The following TMEM131 variants were observed in gnomAD, a reference collection of about 807,000 sequenced individuals.
TMEM131 encodes 2610524E03Rik.
TMEM131 carries 66 observed loss-of-function variants against 211.6 expected under a neutral mutation model. The ratio of observed to expected loss-of-function variants is 0.31; its 90% confidence interval spans 0.26 to 0.38. The LOEUF (loss-of-function observed/expected upper bound fraction) is 0.38, where lower values mean the gene tolerates loss of function less well. Ranked by LOEUF, TMEM131 falls within the 10% of genes least tolerant of loss-of-function variation. The pLI, the probability that TMEM131 is intolerant of heterozygous loss-of-function variation, is 1.00. For missense variants in TMEM131, 2,036 were observed against 2,299.3 expected (o/e 0.89, Z 2.34); for synonymous variants, 844 against 841.3 (o/e 1.00, Z -0.06).
At chr2:97,822,697 T>C (rs957836884) in intron 11 of TMEM131, among the ~76,000 whole-genome samples, 6 of 152,078 alleles carry the variant, frequency 3.9e-5, no homozygotes, top group Non-Finnish European at 8.8e-5. Context: ...GGAAAACTAG[T>C]GTTTCTGCTG....
Position 97,792,745 on chromosome 2 carries a change from G to A in TMEM131, c.3785C>T (p.Pro1262Leu), listed in dbSNP as rs1327538773. 1 of 1,614,034 alleles carries A rather than the reference G, an allele frequency of 6.2e-7. No individual in the cohort carries two copies. The highest frequency in any genetic ancestry group is 1.7e-5 in the Admixed American group (1 of 60,022). Residue 1262 changes from proline (P) to leucine (L), a missense_variant, in exon 31 of 41, where the codon CCC becomes CTC. Pro to Leu is a moderately conservative substitution (Grantham distance 98). Coordinates refer to ENST00000186436, the MANE Select transcript of TMEM131 (RefSeq NM_015348.2). ...CACTGTGTTCGAATCTAAGACAAGG[G>A]GGCTTGTTTTGTTAGCAGACTGTGA... Reference protein sequence around the residue: ...ASSQSANKTSPLVLDSNTVTQ... With the variant: ...ASSQSANKTSLLVLDSNTVTQ...
chr2:97,912,853 T>C (rs1051967569), intron 2 of TMEM131, among the ~76,000 whole-genome samples: 1 of 152,144 alleles, frequency 6.6e-6, no homozygotes, highest in Non-Finnish European at 1.5e-5. Context: ...CAAAAGGGGA[T>C]ATGCGGGAGG....
In TMEM131 at chr2:97,774,463, T is replaced by C. The variant is rs114652625; in HGVS notation, c.4320+1380A>G. The stretch of plus-strand genomic sequence containing the variant: ...GAGAAATAAAAGCACACGGCCTCTA[T>C]GCAGATTGCTGAGCAGGAGGAATAA... On this transcript the variant is annotated intron_variant, in intron 32 of 40. Coordinates refer to ENST00000186436, the MANE Select transcript of TMEM131 (RefSeq NM_015348.2). 6.3e-3 allele frequency among the ~76,000 whole-genome samples: 958 copies of C among 152,342 alleles called. 14 individuals are homozygous for C. Among genetic ancestry groups the C allele is most frequent in the African/African-American group, 0.02 (837 of 41,580 alleles).
intron 11 of TMEM131, among the ~76,000 whole-genome samples, chr2:97,823,785 G>A (rs1036696065): frequency 2.0e-5 from 3 of 152,162 alleles, no homozygotes; most frequent in East Asian, 1.9e-4. Context: ...GAGCAGCTAC[G>A]GGAGGTCTTA....
In TMEM131 at chr2:97,818,687, G is replaced by T; in HGVS notation, c.1109C>A (p.Thr370Lys). The T allele has an allele frequency of 6.2e-7, 1 of 1,607,092 alleles. No homozygotes were observed. The highest frequency in any genetic ancestry group is 1.1e-5 in the South Asian group (1 of 89,828). Residue 370 changes from threonine (T) to lysine (K), a missense_variant, in exon 12 of 41, where the codon ACG becomes AAG. Transcript: ENST00000186436. ...VRPTPQNDAITVHFKPITLKA... is the reference protein window; with the variant it reads ...VRPTPQNDAIKVHFKPITLKA... ...TAATGTAATTGGTTTAAAGTGTACC[G>T]TTATAGCATCATTTTGTGGTGTAGG...
intron 3 of TMEM131, among the ~76,000 whole-genome samples, chr2:97,898,321 T>G (rs189136938): frequency 3.9e-5 from 6 of 152,226 alleles, no homozygotes; most frequent in South Asian, 4.1e-4. Context: ...TCCAGAAAAC[T>G]TGGTATGTTG....
At chr2:97,809,185 TG>T (rs953815314) in intron 19 of TMEM131, among the ~76,000 whole-genome samples, 1 of 152,226 alleles carries the variant, frequency 6.6e-6, no homozygotes, top group Non-Finnish European at 1.5e-5. Context: ...GTTTTTTCCA[TG>T]TTATCACCCC....
rs1484199119 is a variant in TMEM131, at chr2:97,824,283, G to C, written c.1075-5562C>G. 2.6e-5 allele frequency among the ~76,000 whole-genome samples: 4 copies of C among 152,216 alleles called. No individual in the cohort carries two copies. The East Asian group carries it at 7.7e-4, about 29-fold the overall frequency. ...TCCAACAGCAGGACTGAGGGTGCCCGGGGCAAGTGCCAGCTCATGTCATCA... is the reference window on the plus strand; with the variant it reads ...TCCAACAGCAGGACTGAGGGTGCCCCGGGCAAGTGCCAGCTCATGTCATCA... On this transcript the variant is annotated intron_variant, in intron 11 of 40. Transcript: ENST00000186436.
intron 1 of TMEM131, among the ~76,000 whole-genome samples, chr2:97,991,922 T>C (rs1460390294): frequency 6.6e-6 from 1 of 152,150 alleles, no homozygotes; most frequent in East Asian, 1.9e-4. Flanking sequence ...GAGGGTCCAC[T>C]GTAAGAATTA....
At chr2:97,900,007 G>C (rs1675781694) in intron 3 of TMEM131, among the ~76,000 whole-genome samples, 1 of 152,002 alleles carries the variant, frequency 6.6e-6, no homozygotes, top group African/African-American at 2.4e-5. Context: ...AGTCAAAAAT[G>C]TATTTAATAC....
intron 1 of TMEM131, among the ~76,000 whole-genome samples, chr2:97,974,253 T>G (rs1041146087): frequency 8.6e-5 from 13 of 151,904 alleles, no homozygotes; most frequent in Non-Finnish European, 1.6e-4. Flanking sequence ...AAGAAAAAAT[T>G]AGGGAACTTG....
chr2:97,981,429 C>T (rs1405091429), intron 1 of TMEM131, among the ~76,000 whole-genome samples: 2 of 152,152 alleles, frequency 1.3e-5, no homozygotes, highest in East Asian at 1.9e-4. Flanking sequence ...AAGGTTGTAT[C>T]TTTTTTGCAT....
intron 3 of TMEM131, among the ~76,000 whole-genome samples, chr2:97,891,642 C>T (rs1470590170): frequency 6.6e-6 from 1 of 152,074 alleles, no homozygotes; most frequent in Non-Finnish European, 1.5e-5. Flanking sequence ...CAAAGTTGAG[C>T]AGGAAACTCC....
At chr2:97,826,112 C>T (rs1257724329) in intron 11 of TMEM131, among the ~76,000 whole-genome samples, 1 of 152,132 alleles carries the variant, frequency 6.6e-6, no homozygotes, top group Non-Finnish European at 1.5e-5. Context: ...CTTAGCTAAT[C>T]CTGAACTTAA....
chr2:97,961,686 AAATCAACAG>A (rs1678823838), intron 1 of TMEM131, among the ~76,000 whole-genome samples: 1 of 152,274 alleles, frequency 6.6e-6, no homozygotes, highest in Admixed American at 6.5e-5. Flanking sequence ...AATGATATGT[AAATCAACAG>A]AACAGAATTG....
chr2:97,852,723 T>C (rs955453845), intron 5 of TMEM131, among the ~76,000 whole-genome samples: 39 of 152,320 alleles, frequency 2.6e-4, no homozygotes, highest in Admixed American at 2.4e-3. Flanking sequence ...ACAACAAATT[T>C]TCCATGTAGA....
chr2:97,901,543 A>G (rs1675853933), intron 3 of TMEM131, among the ~76,000 whole-genome samples: 1 of 152,216 alleles, frequency 6.6e-6, no homozygotes, highest in Non-Finnish European at 1.5e-5. Context: ...CTAAGTGTCC[A>G]TCAATGGATG....
rs1032817420 is a variant in TMEM131 at position 97,797,465 on chromosome 2, A to T, written c.2770T>A (p.Leu924Ile). 1 of 1,613,504 alleles carries T rather than the reference A, an allele frequency of 6.2e-7. No homozygotes were observed. Among genetic ancestry groups the T allele is most frequent in the African/African-American group, 1.3e-5 (1 of 74,904 alleles). Reference protein sequence around the residue: ...TGFMEGLSRHLILNLILKPGE... With the variant: ...TGFMEGLSRHIILNLILKPGE... ...GGTTTTAAAATTAGGTTTAAAATTA[A>T]ATGTCGAGAGAGGCCCTCCATAAAT... is the stretch of plus-strand genomic sequence containing the variant. The change falls in exon 26 of 41, where the codon TTA becomes ATA. Residue 924 changes from leucine (L) to isoleucine (I), a missense_variant. This residue lies in a region of TMEM131 where 1,623 missense variants were observed against 1,805.9 expected (regional missense o/e 0.90). Transcript: ENST00000186436.
intron 5 of TMEM131, among the ~76,000 whole-genome samples, chr2:97,848,090 G>A (rs572863847): frequency 6.6e-6 from 1 of 152,218 alleles, no homozygotes; most frequent in East Asian, 1.9e-4. Context: ...TGAAAGGACA[G>A]GTATTTCAGA....
Sources: gnomAD v4.1 joint callset for allele counts (sites outside exome capture counted in the v4.1 genomes callset) on GRCh38, gnomAD v4.1.1 for gene constraint, gnomAD v4.1.1 regional missense constraint, MANE v1.5 for transcripts, NCBI Gene and HGNC (gene_info 2026-07-23, HGNC 2026-07-21) for gene names.